The following PLSCR1 variants were observed in gnomAD, a reference collection of about 807,000 sequenced individuals.
The protein encoded by PLSCR1 is phospholipid scramblase 1.
In PLSCR1, 17 loss-of-function variants were observed where a neutral mutation model predicts 37.8. The observed-to-expected ratio is 0.45, with a 90% CI of 0.31 to 0.68. The LOEUF (loss-of-function observed/expected upper bound fraction) is 0.68, where lower values mean the gene tolerates loss of function less well. Ranked by LOEUF, PLSCR1 falls within the 30% of genes least tolerant of loss-of-function variation. PLSCR1 has a pLI of 0.06. For synonymous variants in PLSCR1, 116 were observed against 125.9 expected (o/e 0.92, Z 0.53); for missense variants, 347 against 380.9 (o/e 0.91, Z 0.74).
rs200774837 is a variant in PLSCR1 at position 146,521,858 on chromosome 3, C to T, written c.551G>A (p.Cys184Tyr). ...CTCCTGAAGGCAGCAGGGACAACAA[C>T]AGCTGCTACATCTTAGTGGTCTCTC... ...TLERPLRCSS[C>Y]CCPCCLQEIE... The change falls in exon 6 of 9, where the codon TGT becomes TAT. Residue 184 changes from cysteine (C) to tyrosine (Y), a missense_variant. Cys to Tyr is a radical substitution (Grantham distance 194, BLOSUM62 -2). Transcript: ENST00000342435. The T allele has an allele frequency of 4.3e-6, 7 of 1,613,504 alleles. No homozygotes were observed. The highest frequency in any genetic ancestry group is 2.2e-5 in the East Asian group (1 of 44,870).
chr3:146,528,068 T>C (rs2044143967), intron 4 of PLSCR1: 1 of 152,334 alleles, frequency 6.6e-6, no homozygotes, highest in African/African-American at 2.4e-5. Flanking sequence ...CATAAAATAT[T>C]AACCCCTTGT....
chr3:146,541,498 T>C (rs1381720846), intron 1 of PLSCR1, among the ~76,000 whole-genome samples: 1 of 152,206 alleles, frequency 6.6e-6, no homozygotes, highest in Non-Finnish European at 1.5e-5. Flanking sequence ...TTTTAATAAA[T>C]GTGATACAGC....
intron 4 of PLSCR1, 74 bp from the exon 5 acceptor site, chr3:146,525,721 C>A (rs1287097007): frequency 5.9e-6 from 4 of 672,418 alleles, no homozygotes; most frequent in South Asian, 4.0e-5. Context: ...AATTAAAATT[C>A]ATGTATTTAT....
At chr3:146,533,019 C>G (rs1426034866) in intron 3 of PLSCR1, among the ~76,000 whole-genome samples, 2 of 152,136 alleles carry the variant, frequency 1.3e-5, no homozygotes, top group East Asian at 3.9e-4. Flanking sequence ...AGCAGTCTTA[C>G]TATTTTGATG....
At chr3:146,531,227 A>C (rs531507348) in intron 3 of PLSCR1, among the ~76,000 whole-genome samples, 8 of 152,238 alleles carry the variant, frequency 5.3e-5, no homozygotes, top group Non-Finnish European at 7.3e-5. Flanking sequence ...GTCCTGGGAC[A>C]GTAACTAACA....
chr3:146,541,812 C>G (rs1461804144), intron 1 of PLSCR1, among the ~76,000 whole-genome samples: 1 of 152,194 alleles, frequency 6.6e-6, no homozygotes, highest in Non-Finnish European at 1.5e-5. Context: ...TTTATAAGCA[C>G]TCTACCTTCA....
At chr3:146,541,060 G>A (rs572568237) in intron 1 of PLSCR1, 4 of 152,208 alleles carry the variant, frequency 2.6e-5, no homozygotes, top group Non-Finnish European at 5.9e-5. Context: ...GAGGCTTTGA[G>A]TATACAGCAC....
In PLSCR1 at chr3:146,515,802, A is replaced by C. The variant is rs2043937998; in HGVS notation, c.*243T>G. The C allele has an allele frequency of 3.0e-6, 1 of 328,014 alleles. No homozygotes were observed. Among genetic ancestry groups the C allele is most frequent in the African/African-American group, 2.1e-5 (1 of 46,772 alleles). 20.3% of individuals were successfully genotyped at this position (328,014 alleles called of 1,614,324 possible). A position where few individuals can be genotyped will look rare whatever the true frequency, so the allele number is the denominator to read the frequency against. On this transcript the variant is annotated 3_prime_UTR_variant, in exon 9 of 9. Transcript: ENST00000342435. Reference sequence around the variant, plus strand: ...AGATCATAATTCAAAGCAGTTTTTCAAAGGAAGTTTCATTAATAAATGCAA... The same window carrying C: ...AGATCATAATTCAAAGCAGTTTTTCCAAGGAAGTTTCATTAATAAATGCAA...
At chr3:146,519,482 C>G (rs1386410859) in intron 7 of PLSCR1, among the ~76,000 whole-genome samples, 1 of 152,008 alleles carries the variant, frequency 6.6e-6, no homozygotes, top group Non-Finnish European at 1.5e-5. Context: ...TACCAAGAGT[C>G]CTTGAAGGAG....
chr3:146,516,949 T>C (rs1251206332), intron 8 of PLSCR1, 57 bp downstream of exon 8: 1 of 1,082,464 alleles, frequency 9.2e-7, no homozygotes, highest in Non-Finnish European at 1.3e-6. Flanking sequence ...TACTGAATCA[T>C]TTCAGAATGA....
chr3:146,539,882 T>C (rs1485601063), intron 1 of PLSCR1, among the ~76,000 whole-genome samples: 1 of 152,198 alleles, frequency 6.6e-6, no homozygotes, highest in Non-Finnish European at 1.5e-5. Context: ...GCCAAGTAGA[T>C]AAGGCACTGT....
At chr3:146,538,993 G>C (rs1008011834) in intron 1 of PLSCR1, among the ~76,000 whole-genome samples, 1 of 152,164 alleles carries the variant, frequency 6.6e-6, no homozygotes, top group Non-Finnish European at 1.5e-5. Flanking sequence ...GGAAGACATG[G>C]ACCAGTGAAG....
intron 5 of PLSCR1, among the ~76,000 whole-genome samples, chr3:146,523,087 C>G (rs372065802): frequency 6.6e-6 from 1 of 152,144 alleles, no homozygotes; most frequent in Non-Finnish European, 1.5e-5. Flanking sequence ...CCGGTGCTGG[C>G]GCGGGTCCTC....
intron 3 of PLSCR1, among the ~76,000 whole-genome samples, chr3:146,530,791 C>A (rs748180761): frequency 7.9e-5 from 12 of 152,120 alleles, no homozygotes; most frequent in Non-Finnish European, 1.5e-4. Context: ...AGTAAGGAGT[C>A]TGGATTTGGT....
In PLSCR1 at chr3:146,525,586, T is replaced by G; in HGVS notation, c.355+19A>C. 1 of 1,332,072 alleles carries G rather than the reference T, an allele frequency of 7.5e-7. No individual in the cohort carries two copies. Among genetic ancestry groups the G allele is most frequent in the Non-Finnish European group, 1.1e-6 (1 of 929,678 alleles). The allele number at this position is 1,332,072 out of a possible 1,614,324, so 82.5% of individuals were successfully genotyped here. ...CTTCTACTCTTTATAGAAACAGGAT[T>G]AAAACAATGAATACATACCTTCCAG... On this transcript the variant is annotated intron_variant, in intron 5 of 8. Coordinates refer to ENST00000342435, the MANE Select transcript of PLSCR1 (RefSeq NM_021105.3).
intron 4 of PLSCR1, among the ~76,000 whole-genome samples, chr3:146,527,412 G>A (rs373034687): frequency 2.2e-4 from 33 of 152,092 alleles, no homozygotes; most frequent in Admixed American, 9.8e-4. Flanking sequence ...TTCATTACAC[G>A]TAGTACATGT....
chr3:146,533,562 G>A lies in PLSCR1; in HGVS notation c.14-12C>T, dbSNP rs748357938. 1 of 1,550,874 alleles carries A rather than the reference G, an allele frequency of 6.4e-7. No individual in the cohort carries two copies. The highest frequency in any genetic ancestry group is 8.9e-7 in the Non-Finnish European group (1 of 1,125,714). ...ATTCATCTGTGAGTCTGCAATTCAA[G>A]GAGAGGTAAATAGATGTCTGATTAA... On this transcript the variant is annotated splice_polypyrimidine_tract_variant and intron_variant, in intron 2 of 8. Transcript: ENST00000342435.
chr3:146,526,937 C>A (rs2044125165), intron 4 of PLSCR1, among the ~76,000 whole-genome samples: 1 of 152,112 alleles, frequency 6.6e-6, no homozygotes, highest in East Asian at 1.9e-4. Flanking sequence ...TTCAGGAGTT[C>A]AAGACCAGCC....
chr3:146,530,926 G>A (rs1383442457), intron 3 of PLSCR1, among the ~76,000 whole-genome samples: 1 of 152,152 alleles, frequency 6.6e-6, no homozygotes, highest in Non-Finnish European at 1.5e-5. Flanking sequence ...AAACACAGAT[G>A]CAATCCCTGC....
Sources: gnomAD v4.1 joint callset for allele counts (sites outside exome capture counted in the v4.1 genomes callset) on GRCh38, gnomAD v4.1.1 for gene constraint, MANE v1.5 for transcripts, NCBI Gene and HGNC (gene_info 2026-07-23, HGNC 2026-07-21) for gene names.